The following TFB1M variants were observed in gnomAD, a reference collection of about 807,000 sequenced individuals.
TFB1M encodes the protein dimethyladenosine transferase 1, mitochondrial.
TFB1M carries 27 observed loss-of-function variants against 31.1 expected under a neutral mutation model. The observed-to-expected ratio is 0.87, with a 90% confidence interval of 0.64 to 1.20. The LOEUF is 1.20. Among genes scored for constraint, TFB1M ranks in the 50% most tolerant of loss-of-function variants. The pLI is 0.00. For synonymous variants in TFB1M, 166 were observed against 151.8 expected (o/e 1.09, Z -0.69); for missense variants, 394 against 418.7 (o/e 0.94, Z 0.51).
At position 155,256,232 on chromosome 6, in the gene TFB1M, A is replaced by C; in HGVS notation, c.*1604T>G. ...GCCCATGTAGTAGTTTCTAGTGTCT[A>C]GTTCTATTTACATAATTGAGCTCTG... On this transcript the variant is annotated 3_prime_UTR_variant, in exon 7 of 7. Coordinates refer to ENST00000367166, the MANE Select transcript of TFB1M (RefSeq NM_016020.4). 1.7e-6 allele frequency: 1 copy of C among 598,044 alleles called. No homozygotes were observed. The highest frequency in any genetic ancestry group is 2.8e-5 in the East Asian group (1 of 35,558). The allele number at this position is 598,044 out of a possible 1,614,324, so 37.0% of individuals were successfully genotyped here.
At chr6:155,260,223 C>T in intron 6 of TFB1M, 50 bp downstream of exon 6, 1 of 1,607,284 alleles carries the variant, frequency 6.2e-7, no homozygotes. Context: ...TAAAAAGTGC[C>T]TGAGGATTTT....
chr6:155,301,054 C>CT (rs1449339458), intron 2 of TFB1M, among the ~76,000 whole-genome samples: 1 of 152,204 alleles, frequency 6.6e-6, no homozygotes, highest in Admixed American at 6.5e-5. Flanking sequence ...ATCTGCCCGC[C>CT]TTGGCCTCCC....
chr6:155,288,607 T>C (rs1583351627), intron 4 of TFB1M, among the ~76,000 whole-genome samples: 2 of 152,180 alleles, frequency 1.3e-5, no homozygotes, highest in South Asian at 2.1e-4. Flanking sequence ...TTAGAACACA[T>C]CCAGAAACGT....
Position 155,280,380 on chromosome 6 carries a change from G to T in TFB1M, c.666+4778C>A, listed in dbSNP as rs1407366155. 2.6e-5 allele frequency among the ~76,000 whole-genome samples: 4 copies of T among 152,300 alleles called. 1 individual carries two copies. Among genetic ancestry groups the T allele is most frequent in the East Asian group, 1.9e-4 (1 of 5,172 alleles). ...TCCCTGCAAAGACTGGCTGGCACAG[G>T]TTCCAATAAGCTGGTCCCTTGCCTC... On this transcript the variant is annotated intron_variant, in intron 5 of 6. Transcript: ENST00000367166.
Position 155,256,993 on chromosome 6 carries a change from G to A in TFB1M, c.*843C>T, listed in dbSNP as rs1438594040. 2 of 1,614,054 alleles carry A rather than the reference G, an allele frequency of 1.2e-6. No individual in the cohort carries two copies. The highest frequency in any genetic ancestry group is 1.7e-5 in the Admixed American group (1 of 59,998). On this transcript the variant is annotated 3_prime_UTR_variant, in exon 7 of 7. Coordinates refer to ENST00000367166, the MANE Select transcript of TFB1M (RefSeq NM_016020.4). ...GGCGCAGATCCGTCACCAGTCCCTT[G>A]ACAGTCAGTCTGAAAATGCCACCAT...
the TFB1M span, among the ~76,000 whole-genome samples, chr6:155,240,164 A>G: frequency 0.051 from 7,747 of 152,290 alleles, 273 homozygotes; most frequent in East Asian, 0.19. Flanking sequence ...TGTTGAGGCC[A>G]TCTGCTCTTG....
At chr6:155,244,060 C>T in the TFB1M span, 3 of 1,614,012 alleles carry the variant, frequency 1.9e-6, no homozygotes, top group East Asian at 2.2e-5. Flanking sequence ...CAGAATGAGA[C>T]CTTTCTTACC....
chr6:155,245,794 G>A, the TFB1M span: 1 of 1,107,116 alleles, frequency 9.0e-7, no homozygotes. Context: ...TTAGTAAAGG[G>A]TAAATCTGTA....
the TFB1M span, among the ~76,000 whole-genome samples, chr6:155,238,457 C>T: frequency 6.6e-6 from 1 of 152,280 alleles, no homozygotes; most frequent in East Asian, 1.9e-4. Context: ...TTCAGCAGTG[C>T]CCCCGACTCA....
intron 5 of TFB1M, chr6:155,275,821 G>A: frequency 1.9e-6 from 3 of 1,614,098 alleles, no homozygotes; most frequent in Non-Finnish European, 1.7e-6. Flanking sequence ...AGGTGAATGT[G>A]GATGTGGACT....
chr6:155,307,136 T>TACACACACACACACACAC (rs61677970), intron 2 of TFB1M, among the ~76,000 whole-genome samples: 1 of 147,244 alleles, frequency 6.8e-6, no homozygotes, highest in Non-Finnish European at 1.5e-5. Context: ...CTCAAACACA[T>TACACACACACACACACAC]ACACACACAC....
intron 5 of TFB1M, among the ~76,000 whole-genome samples, chr6:155,281,259 AAC>A (rs1785485512): frequency 6.6e-6 from 1 of 152,202 alleles, no homozygotes; most frequent in South Asian, 2.1e-4. Context: ...GGATGTAGTA[AAC>A]TCAGCCTATT....
intron 1 of TFB1M, among the ~76,000 whole-genome samples, chr6:155,312,251 C>A (rs1313688997): frequency 6.6e-6 from 1 of 152,196 alleles, no homozygotes; most frequent in African/African-American, 2.4e-5. Flanking sequence ...ACTAGTTTCT[C>A]AGCCATCCAA....
chr6:155,269,582 A>G (rs527811752), intron 5 of TFB1M, among the ~76,000 whole-genome samples: 8 of 152,034 alleles, frequency 5.3e-5, no homozygotes, highest in South Asian at 2.1e-4. Flanking sequence ...TCAGCCTCCC[A>G]AAGTGTTGGG....
chr6:155,307,409 G>A lies in TFB1M; in HGVS notation c.285+3779C>T, dbSNP rs140883582. Among the ~76,000 whole-genome samples, 1,139 of 152,140 alleles carry A rather than the reference G, an allele frequency of 7.5e-3. 13 individuals carry two copies. Among genetic ancestry groups the A allele is most frequent in the African/African-American group, 0.026 (1,066 of 41,486 alleles). On this transcript the variant is annotated intron_variant, in intron 2 of 6. Transcript: ENST00000367166. The stretch of plus-strand genomic sequence containing the variant: ...CAAGTAGGAGCAAGTCACATCCTAC[G>A]TGGATGGCAACAGGCAAAGAGAGAG...
chr6:155,265,179 C>T lies in TFB1M; in HGVS notation c.667-4779G>A, dbSNP rs184844285. On this transcript the variant is annotated intron_variant, in intron 5 of 6. Coordinates refer to ENST00000367166, the MANE Select transcript of TFB1M (RefSeq NM_016020.4). ...TGGCAGGAGCTGCCTGAGGCAGCTTCGAGGCTGCCCAGCCGGGCCATGGGT... is the reference window on the plus strand; with the variant it reads ...TGGCAGGAGCTGCCTGAGGCAGCTTTGAGGCTGCCCAGCCGGGCCATGGGT... Among the ~76,000 whole-genome samples the T allele has an allele frequency of 4.0e-3, 604 of 152,044 alleles. 1 individual carries two copies. Among genetic ancestry groups the T allele is most frequent in the Non-Finnish European group, 6.9e-3 (469 of 68,020 alleles).
Position 155,256,264 on chromosome 6 carries a change from TA to T in TFB1M, c.*1571del. 1 of 642,176 alleles carries T rather than the reference TA, an allele frequency of 1.6e-6. No individual in the cohort carries two copies. The highest frequency in any genetic ancestry group is 2.7e-6 in the Non-Finnish European group (1 of 376,182). 39.8% of individuals were successfully genotyped at this position (642,176 alleles called of 1,614,324 possible). A position where few individuals can be genotyped will look rare whatever the true frequency, so the allele number is the denominator to read the frequency against. ...TTTACATAATTGAGCTCTGGTAATCTAAAAATGCTGAATTGCCTAACTTACA... is the reference window on the plus strand; with the variant it reads ...TTTACATAATTGAGCTCTGGTAATCTAAAATGCTGAATTGCCTAACTTACA... On this transcript the variant is annotated 3_prime_UTR_variant, in exon 7 of 7. Coordinates refer to ENST00000367166, the MANE Select transcript of TFB1M (RefSeq NM_016020.4).
chr6:155,245,663 C>T, the TFB1M span: 10 of 1,613,942 alleles, frequency 6.2e-6, no homozygotes, highest in South Asian at 1.1e-5. Context: ...CTTTATTACG[C>T]GGACCACTTT....
chr6:155,277,934 G>A (rs981221727), intron 5 of TFB1M, among the ~76,000 whole-genome samples: 2 of 152,114 alleles, frequency 1.3e-5, no homozygotes, highest in African/African-American at 2.4e-5. Context: ...TACAGTAAAA[G>A]TTATCTTTAT....
Sources: gnomAD v4.1 joint callset for allele counts (sites outside exome capture counted in the v4.1 genomes callset) on GRCh38, gnomAD v4.1.1 for gene constraint, MANE v1.5 for transcripts, NCBI Gene and HGNC (gene_info 2026-07-23, HGNC 2026-07-21) for gene names.